Variants in KIF21A observed in about 807,000 individuals in gnomAD.
KIF21A encodes the protein kinesin-like protein KIF21A.
Under a neutral mutation model 202.9 loss-of-function variants are expected in KIF21A, and 114 were observed. That is an observed-to-expected ratio of 0.56 (90% confidence interval 0.48 to 0.66). The LOEUF (loss-of-function observed/expected upper bound fraction) is 0.66, where lower values mean the gene tolerates loss of function less well. Ranked by LOEUF, KIF21A falls within the 30% of genes least tolerant of loss-of-function variation. The probability of loss-of-function intolerance (pLI) is 0.00; values close to 1 mark genes in which losing one functional copy is unlikely to be tolerated. For missense variants in KIF21A, 1,677 were observed against 1,994.9 expected (o/e 0.84, Z 3.04); for synonymous variants, 667 against 670.8 (o/e 0.99, Z 0.09).
At chr12:39,397,609 C>T (rs753985666) in intron 1 of KIF21A, among the ~76,000 whole-genome samples, 5 of 152,208 alleles carry the variant, frequency 3.3e-5, no homozygotes, top group Non-Finnish European at 5.9e-5. Flanking sequence ...CAGAACAGTT[C>T]CTGGTACATA....
At chr12:39,389,833 G>T (rs555067506) in intron 1 of KIF21A, among the ~76,000 whole-genome samples, 38 of 152,174 alleles carry the variant, frequency 2.5e-4, no homozygotes, top group Non-Finnish European at 4.3e-4. Context: ...ATTTAATTCA[G>T]GTTCCATTAA....
At chr12:39,379,338 A>C (rs1161183415) in intron 1 of KIF21A, among the ~76,000 whole-genome samples, 1 of 152,040 alleles carries the variant, frequency 6.6e-6, no homozygotes, top group Non-Finnish European at 1.5e-5. Context: ...AAAAAAAAAA[A>C]AAAAACCTGT....
intron 29 of KIF21A, among the ~76,000 whole-genome samples, chr12:39,316,679 T>C (rs1037535996): frequency 6.6e-6 from 1 of 152,276 alleles, no homozygotes; most frequent in South Asian, 2.1e-4. Flanking sequence ...AGCGTTAGCA[T>C]AGAATGTAAC....
chr12:39,436,442 ATATATATTTTTTTT>A (rs1358903932), intron 1 of KIF21A, among the ~76,000 whole-genome samples: 2 of 118,122 alleles, frequency 1.7e-5, no homozygotes, highest in Non-Finnish European at 1.7e-5. Context: ...ATATATATAT[ATATATATTTTTTTT>A]TTTTTTAGAC....
intron 1 of KIF21A, among the ~76,000 whole-genome samples, chr12:39,405,980 T>A (rs1440728389): frequency 6.6e-6 from 1 of 152,204 alleles, no homozygotes; most frequent in African/African-American, 2.4e-5. Context: ...TTAGCTTATA[T>A]GTAAAGCGTG....
At chr12:39,429,486 AT>A (rs892780285) in intron 1 of KIF21A, among the ~76,000 whole-genome samples, 11 of 152,334 alleles carry the variant, frequency 7.2e-5, no homozygotes, top group African/African-American at 2.2e-4. Context: ...GACATAATAA[AT>A]TGTAAAAAGG....
chr12:39,331,604 G>A (rs2138100960), intron 22 of KIF21A, 86 bp downstream of exon 22: 2 of 889,050 alleles, frequency 2.2e-6, no homozygotes, highest in East Asian at 2.4e-5. Context: ...TTATTACAAA[G>A]CAAAGGGTTA....
At chr12:39,314,010 A>G (rs1944276115) in intron 31 of KIF21A, among the ~76,000 whole-genome samples, 1 of 151,810 alleles carries the variant, frequency 6.6e-6, no homozygotes, top group Admixed American at 6.6e-5. Context: ...AAAGGGCTGA[A>G]TATATGAAGA....
In KIF21A at chr12:39,434,410, G is replaced by T. The variant is rs181062546; in HGVS notation, c.44+8517C>A. On this transcript the variant is annotated intron_variant, in intron 1 of 37. Coordinates refer to ENST00000361418, the MANE Select transcript of KIF21A (RefSeq NM_001173464.2). ...ATTAGTTTCCGACACATGATCTTTC[G>T]GAGGGACACATTCAAACCATAACAG... Among the ~76,000 whole-genome samples, 187 of 152,204 alleles carry T rather than the reference G, an allele frequency of 1.2e-3. 1 individual carries two copies. The highest frequency in any genetic ancestry group is 3.7e-3 in the African/African-American group (153 of 41,522).
chr12:39,422,530 G>A (rs1954385294), intron 1 of KIF21A, among the ~76,000 whole-genome samples: 1 of 152,108 alleles, frequency 6.6e-6, no homozygotes. Flanking sequence ...GTAGGCAACT[G>A]CTATGAAAAT....
intron 16 of KIF21A, among the ~76,000 whole-genome samples, chr12:39,338,987 T>C (rs1357131489): frequency 6.6e-6 from 1 of 152,114 alleles, no homozygotes; most frequent in African/African-American, 2.4e-5. Context: ...TGTAAAAGTA[T>C]ACAAGTTTTG....
intron 1 of KIF21A, among the ~76,000 whole-genome samples, chr12:39,416,120 T>A (rs1342565523): frequency 2.6e-5 from 4 of 152,056 alleles, no homozygotes; most frequent in Admixed American, 2.6e-4. Context: ...AAAGTTTTAA[T>A]TCATTCAGAA....
chr12:39,355,113 T>C (rs1468913554), intron 10 of KIF21A, among the ~76,000 whole-genome samples: 1 of 152,040 alleles, frequency 6.6e-6, no homozygotes, highest in Admixed American at 6.6e-5. Flanking sequence ...AAGTTGAGAA[T>C]CTGGAACAAG....
At position 39,370,117 on chromosome 12, in the gene KIF21A, C is replaced by T. The variant is rs558499998; in HGVS notation, c.189G>A (p.Gln63=). 4.0e-5 allele frequency: 64 copies of T among 1,613,656 alleles called. 1 individual carries two copies. In the South Asian group the frequency reaches 6.6e-4, roughly 17 times the overall value. The change falls in exon 2 of 38, where the codon CAG becomes CAA. Residue 63 remains glutamine, a synonymous_variant. Coordinates refer to ENST00000361418, the MANE Select transcript of KIF21A (RefSeq NM_001173464.2). ...YVFDIDSQQE[Q]IYIQCIEKLI... is the part of the protein sequence containing the mutation. ...GTTTTTCTATACATTGAATGTAGAT[C>T]TGCTCTTGCTGGGAGTCAATGTCAA...
At chr12:39,416,912 C>T (rs754356167) in intron 1 of KIF21A, among the ~76,000 whole-genome samples, 1 of 148,170 alleles carries the variant, frequency 6.7e-6, no homozygotes, top group Non-Finnish European at 1.5e-5. Flanking sequence ...TATGTACACA[C>T]ACACACATAT....
At chr12:39,320,090 T>G in intron 27 of KIF21A, 77 bp from the exon 28 acceptor site, 1 of 793,630 alleles carries the variant, frequency 1.3e-6, no homozygotes, top group Non-Finnish European at 2.1e-6. Flanking sequence ...CAATCTAAAA[T>G]TTGTAATAGG....
intron 20 of KIF21A, 64 bp from the exon 21 acceptor site, chr12:39,332,472 AACCCCCCC>A: frequency 1.5e-6 from 2 of 1,338,142 alleles, no homozygotes; most frequent in Non-Finnish European, 2.1e-6. Flanking sequence ...AGTACCATCA[AACCCCCCC>A]ACCCCCCAAA....
rs779882169 is a variant in KIF21A, at chr12:39,351,916, C to A, written c.1534G>T (p.Ala512Ser). 2 of 1,613,274 alleles carry A rather than the reference C, an allele frequency of 1.2e-6. No homozygotes were observed. The highest frequency in any genetic ancestry group is 4.5e-5 in the East Asian group (2 of 44,868). The stretch of plus-strand genomic sequence containing the variant: ...GATCCGCTGAAATATGGCGCTCTTG[C>A]TGTGGCTCTTGTCAAGTTTTTTCGA... ...NLRKNLTRAT[A>S]RAPYFSGSST... Residue 512 changes from alanine to serine, a missense_variant, in exon 11 of 38, where the codon GCA (alanine) becomes TCA (serine). Ala to Ser is a moderately conservative substitution (Grantham distance 99). Coordinates refer to ENST00000361418, the MANE Select transcript of KIF21A (RefSeq NM_001173464.2).
chr12:39,371,891 T>C (rs1047109658), intron 1 of KIF21A, among the ~76,000 whole-genome samples: 2 of 150,112 alleles, frequency 1.3e-5, no homozygotes, highest in Admixed American at 1.3e-4. Flanking sequence ...ACAGCACCAC[T>C]GCACTCCAGC....
Sources: gnomAD v4.1 joint callset for allele counts (sites outside exome capture counted in the v4.1 genomes callset) on GRCh38, gnomAD v4.1.1 for gene constraint, MANE v1.5 for transcripts, NCBI Gene and HGNC (gene_info 2026-07-23, HGNC 2026-07-21) for gene names.